KLF12: variants seen among roughly 807,000 people sequenced by gnomAD.
KLF12 encodes the protein KLF transcription factor 12.
A neutral mutation model predicts 37.8 loss-of-function variants in KLF12; 9 were observed. That is an observed-to-expected ratio of 0.24 (90% CI 0.14 to 0.42). The LOEUF is 0.42. KLF12 is among the 10% of genes least tolerant of loss of function. The probability of loss-of-function intolerance (pLI) is 1.00; values close to 1 mark genes in which losing one functional copy is unlikely to be tolerated. For missense variants in KLF12, 411 were observed against 516.0 expected, an observed-to-expected ratio of 0.80 and a Z score of 1.97; for synonymous variants, 208 against 202.1, an observed-to-expected ratio of 1.03 and a Z score of -0.25.
At chr13:73,738,168 A>C (rs189581962) in intron 6 of KLF12, among the ~76,000 whole-genome samples, 46 of 116,974 alleles carry the variant, frequency 3.9e-4, no homozygotes, top group Admixed American at 1.6e-3. Flanking sequence ...TTTTTGAGAC[A>C]GAGTCTTGCT....
chr13:74,201,020 GT>G, the KLF12 span, among the ~76,000 whole-genome samples: 2 of 151,986 alleles, frequency 1.3e-5, no homozygotes, highest in South Asian at 4.1e-4. Context: ...TAATCTTTTT[GT>G]TTTTTAATAT....
chr13:73,874,362 G>A (rs531216414), intron 3 of KLF12, among the ~76,000 whole-genome samples: 1 of 152,292 alleles, frequency 6.6e-6, no homozygotes, highest in South Asian at 2.1e-4. Context: ...TTTCATGCCT[G>A]TTCAATACGT....
intron 2 of KLF12, among the ~76,000 whole-genome samples, chr13:73,966,211 G>C (rs955645450): frequency 1.3e-5 from 2 of 152,038 alleles, no homozygotes; most frequent in Non-Finnish European, 2.9e-5. Context: ...TATAATACAA[G>C]CTTGTGCATG....
At chr13:74,164,490 T>C in the KLF12 span, among the ~76,000 whole-genome samples, 1 of 152,280 alleles carries the variant, frequency 6.6e-6, no homozygotes, top group East Asian at 1.9e-4. Flanking sequence ...ACTGGATTTG[T>C]GACAAAAAAA....
the KLF12 span, among the ~76,000 whole-genome samples, chr13:74,144,569 G>A: frequency 9.9e-5 from 15 of 152,238 alleles, no homozygotes; most frequent in African/African-American, 3.4e-4. Context: ...CAAGAACTAA[G>A]CACAGTAACA....
intron 7 of KLF12, among the ~76,000 whole-genome samples, chr13:73,707,785 T>C (rs933733157): frequency 6.6e-6 from 1 of 152,178 alleles, no homozygotes; most frequent in African/African-American, 2.4e-5. Flanking sequence ...TTTGTAGGAA[T>C]ATCCTCAAAC....
In KLF12 at chr13:73,688,412, T is replaced by C. The variant is rs1873622790; in HGVS notation, c.*7078A>G. ...ATCTGAACGTTTGATTGCCACCCCA[T>C]TACCAACTGCAAGAGTGGGCTCTGA... On this transcript the variant is annotated 3_prime_UTR_variant, in exon 8 of 8. Coordinates refer to ENST00000377669, the MANE Select transcript of KLF12 (RefSeq NM_007249.5). 3 of 152,184 alleles carry C rather than the reference T, an allele frequency of 2.0e-5. No individual in the cohort carries two copies. The highest frequency in any genetic ancestry group is 7.2e-5 in the African/African-American group (3 of 41,448). The allele number at this position is 152,184 out of a possible 1,614,324, so 9.4% of individuals were successfully genotyped here.
chr13:74,007,567 G>A (rs763529936), intron 1 of KLF12, among the ~76,000 whole-genome samples: 4 of 152,076 alleles, frequency 2.6e-5, no homozygotes, highest in Admixed American at 6.5e-5. Flanking sequence ...GAGCCACCGC[G>A]GCCGGCCAAG....
the KLF12 span, among the ~76,000 whole-genome samples, chr13:74,304,431 G>C: frequency 3.3e-5 from 5 of 152,064 alleles, no homozygotes; most frequent in African/African-American, 1.2e-4. Context: ...TTGAAATGTG[G>C]AGTTTTATCT....
intron 1 of KLF12, among the ~76,000 whole-genome samples, chr13:74,084,165 C>T (rs17062086): frequency 0.19 from 29,345 of 152,012 alleles, 2,994 homozygotes; most frequent in African/African-American, 0.27. Flanking sequence ...ACCGAATGAA[C>T]AGGGTGATGT....
the KLF12 span, among the ~76,000 whole-genome samples, chr13:74,177,511 T>C: frequency 6.6e-6 from 1 of 152,180 alleles, no homozygotes; most frequent in Non-Finnish European, 1.5e-5. Flanking sequence ...AAAGTTACCA[T>C]ATTGCAAGGT....
rs1368140867 is a variant in KLF12, at chr13:73,846,263, T to C, written c.234A>G (p.Gln78=). 1.9e-6 allele frequency: 3 copies of C among 1,614,070 alleles called. No homozygotes were observed. The highest frequency in any genetic ancestry group is 3.3e-5 in the Admixed American group (2 of 60,010). The stretch of plus-strand genomic sequence containing the variant: ...TTATTGACAAGTCCACTGGCTCAGT[T>C]TGTGTTTGGAAGTGATCTACAGATA... The change falls in exon 4 of 8, where the codon CAA becomes CAG. Residue 78 remains glutamine (Q), a synonymous_variant. Coordinates refer to ENST00000377669, the MANE Select transcript of KLF12 (RefSeq NM_007249.5).
At chr13:74,051,606 T>A (rs1307606565) in intron 1 of KLF12, among the ~76,000 whole-genome samples, 1 of 151,566 alleles carries the variant, frequency 6.6e-6, no homozygotes, top group East Asian at 1.9e-4. Context: ...TAGAACAGAC[T>A]CAACCATGTA....
At chr13:73,805,867 C>T (rs999537479) in intron 5 of KLF12, among the ~76,000 whole-genome samples, 48 of 151,852 alleles carry the variant, frequency 3.2e-4, no homozygotes, top group African/African-American at 1.2e-3. Flanking sequence ...TGCAGGGGCA[C>T]GATCTTGGCT....
At chr13:73,959,204 C>A (rs1476766195) in intron 2 of KLF12, among the ~76,000 whole-genome samples, 1 of 149,776 alleles carries the variant, frequency 6.7e-6, no homozygotes, top group East Asian at 2.0e-4. Context: ...ATCATTGACA[C>A]AACCCTATTT....
intron 3 of KLF12, among the ~76,000 whole-genome samples, chr13:73,856,873 G>A (rs1001874303): frequency 1.3e-5 from 2 of 152,012 alleles, no homozygotes; most frequent in African/African-American, 4.8e-5. Context: ...TGTAGTCCCA[G>A]CTACTCCAGA....
chr13:73,860,013 C>A (rs909466534), intron 3 of KLF12, among the ~76,000 whole-genome samples: 1 of 152,094 alleles, frequency 6.6e-6, no homozygotes, highest in East Asian at 1.9e-4. Flanking sequence ...TGTAATAAAG[C>A]GGAACTTTTG....
chr13:74,103,865 T>C (rs576606217), intron 1 of KLF12, among the ~76,000 whole-genome samples: 13 of 152,334 alleles, frequency 8.5e-5, no homozygotes, highest in African/African-American at 2.6e-4. Flanking sequence ...TACTTTATTA[T>C]AGCATCAGTT....
intron 3 of KLF12, among the ~76,000 whole-genome samples, chr13:73,868,671 G>A (rs921453132): frequency 2.6e-5 from 4 of 152,034 alleles, no homozygotes; most frequent in South Asian, 4.2e-4. Flanking sequence ...GATTACAGGC[G>A]TGAGCCACTA....
Sources: allele counts gnomAD v4.1 joint callset (sites outside exome capture counted in the v4.1 genomes callset), GRCh38; gene constraint gnomAD v4.1.1; transcripts MANE v1.5; gene names NCBI Gene and HGNC (gene_info 2026-07-23, HGNC 2026-07-21).